MAPK4: variants seen among roughly 807,000 people sequenced by gnomAD.
MAPK4 encodes the protein mitogen-activated protein kinase 4, also known as Erk3-related.
A neutral mutation model predicts 47.7 loss-of-function variants in MAPK4; 22 were observed. The ratio of observed to expected loss-of-function variants is 0.46; its 90% CI spans 0.33 to 0.66. MAPK4 has a LOEUF of 0.66. Among genes scored for constraint, MAPK4 ranks in the 30% least tolerant of loss-of-function variants. The pLI, the probability that MAPK4 is intolerant of heterozygous loss-of-function variation, is 0.02. For synonymous variants in MAPK4, 390 were observed against 365.7 expected (o/e 1.07, Z -0.76); for missense variants, 736 against 831.7 (o/e 0.88, Z 1.42).
chr18:50,667,708 C>G (rs1352433859), intron 2 of MAPK4, among the ~76,000 whole-genome samples: 1 of 152,186 alleles, frequency 6.6e-6, no homozygotes, highest in Non-Finnish European at 1.5e-5. Context: ...CAACTGGAGC[C>G]TTGTTTGGAA....
In MAPK4 at chr18:50,729,178, C is replaced by T. The variant is rs1426858848; in HGVS notation, c.1088C>T (p.Ser363Leu). ...CSSRYPVSLS[S>L]DLEWRPDRCQ... ...TGCAGGTACCCTGTGAGCCTGTCGTCGGACCTGGAGTGGCGGCCTGACCGG... is the reference window on the plus strand; with the variant it reads ...TGCAGGTACCCTGTGAGCCTGTCGTTGGACCTGGAGTGGCGGCCTGACCGG... Residue 363 changes from serine to leucine, a missense_variant, in exon 6 of 6, where the codon TCG becomes TTG. This residue lies in a region of MAPK4 where 377 missense variants were observed against 378.6 expected (regional missense o/e 1.00). Transcript: ENST00000400384. 2.5e-6 allele frequency: 4 copies of T among 1,583,834 alleles called. No homozygotes were observed. The Admixed American group carries it at 5.1e-5, about 20-fold the overall frequency.
intron 1 of MAPK4, among the ~76,000 whole-genome samples, chr18:50,585,858 G>C (rs547968195): frequency 6.6e-6 from 1 of 152,160 alleles, no homozygotes; most frequent in Admixed American, 6.5e-5. Context: ...CTGAGCAAAG[G>C]GGGAAAAGCC....
At chr18:50,700,951 C>T (rs527833003) in intron 2 of MAPK4, among the ~76,000 whole-genome samples, 170 of 152,162 alleles carry the variant, frequency 1.1e-3, no homozygotes, top group African/African-American at 3.9e-3. Context: ...AGGTGAAGGA[C>T]AGAAACACCT....
At chr18:50,715,469 T>C (rs1277804938) in intron 3 of MAPK4, among the ~76,000 whole-genome samples, 2 of 152,212 alleles carry the variant, frequency 1.3e-5, no homozygotes, top group African/African-American at 4.8e-5. Flanking sequence ...TGCTATGACC[T>C]AAATGCTTGT....
In MAPK4 at chr18:50,615,286, C is replaced by T. The variant is rs142711206; in HGVS notation, c.-870-47803C>T. On this transcript the variant is annotated intron_variant, in intron 1 of 5. Transcript: ENST00000400384. Reference sequence around the variant, plus strand: ...TAAGTTGTGGTGGAAGCTGCAGCCCCGAATATTAGTTGTTTAAACAATTCA... The same window carrying T: ...TAAGTTGTGGTGGAAGCTGCAGCCCTGAATATTAGTTGTTTAAACAATTCA... Among the ~76,000 whole-genome samples, 287 of 152,214 alleles carry T rather than the reference C, an allele frequency of 1.9e-3. 1 individual carries two copies. The highest frequency in any genetic ancestry group is 6.7e-3 in the African/African-American group (279 of 41,504).
intron 1 of MAPK4, among the ~76,000 whole-genome samples, chr18:50,653,784 C>T (rs758029179): frequency 9.2e-5 from 14 of 152,174 alleles, no homozygotes; most frequent in African/African-American, 3.4e-4. Context: ...TATGACTATG[C>T]CCAGCACCTA....
intron 2 of MAPK4, among the ~76,000 whole-genome samples, chr18:50,667,706 G>A (rs564462941): frequency 1.3e-5 from 2 of 152,304 alleles, no homozygotes; most frequent in South Asian, 2.1e-4. Flanking sequence ...TCCAACTGGA[G>A]CCTTGTTTGG....
intron 1 of MAPK4, among the ~76,000 whole-genome samples, chr18:50,625,645 A>G (rs1264369055): frequency 6.6e-6 from 1 of 152,176 alleles, no homozygotes; most frequent in Non-Finnish European, 1.5e-5. Flanking sequence ...TCTGAATACC[A>G]TTGTAGACTC....
At chr18:50,686,114 G>C (rs779004159) in intron 2 of MAPK4, among the ~76,000 whole-genome samples, 1 of 152,104 alleles carries the variant, frequency 6.6e-6, no homozygotes, top group Non-Finnish European at 1.5e-5. Flanking sequence ...AATAAGCCTC[G>C]TTAGGAGTCG....
intron 1 of MAPK4, among the ~76,000 whole-genome samples, chr18:50,596,443 C>A (rs1408598606): frequency 2.0e-5 from 3 of 152,096 alleles, no homozygotes; most frequent in Non-Finnish European, 4.4e-5. Flanking sequence ...AACATCATAC[C>A]CAGAGCATTT....
intron 1 of MAPK4, among the ~76,000 whole-genome samples, chr18:50,645,597 T>C (rs1487758230): frequency 6.6e-6 from 1 of 152,144 alleles, no homozygotes; most frequent in Admixed American, 6.5e-5. Context: ...TGTTCTGACC[T>C]CAAAAGGAAA....
chr18:50,729,095 G>C lies in MAPK4; in HGVS notation c.1068-63G>C. 3 of 1,395,404 alleles carry C rather than the reference G, an allele frequency of 2.1e-6. No individual in the cohort carries two copies. In the South Asian group the frequency reaches 4.0e-5, roughly 19 times the overall value. 86.4% of individuals were successfully genotyped at this position (1,395,404 alleles called of 1,614,324 possible). On this transcript the variant is annotated intron_variant, in intron 5 of 5. Transcript: ENST00000400384. Reference sequence around the variant, plus strand: ...GTGGCAAACAGGGATTAGAGGGCTTGGCTCCCTCCCGGAAGCTACCTGGCT... The same window carrying C: ...GTGGCAAACAGGGATTAGAGGGCTTCGCTCCCTCCCGGAAGCTACCTGGCT...
intron 2 of MAPK4, among the ~76,000 whole-genome samples, chr18:50,665,458 A>G (rs373066116): frequency 2.6e-5 from 4 of 152,252 alleles, no homozygotes; most frequent in African/African-American, 9.6e-5. Flanking sequence ...AGAATAAAAC[A>G]TCTCCTTGGG....
intron 1 of MAPK4, among the ~76,000 whole-genome samples, chr18:50,616,493 A>G (rs2042685843): frequency 1.3e-5 from 2 of 152,238 alleles, no homozygotes; most frequent in South Asian, 4.1e-4. Flanking sequence ...ATAGATAAAT[A>G]TATGAGGGGG....
At chr18:50,562,060 C>G (rs911084325) in intron 1 of MAPK4, among the ~76,000 whole-genome samples, 2 of 152,210 alleles carry the variant, frequency 1.3e-5, no homozygotes, top group Non-Finnish European at 2.9e-5. Flanking sequence ...CTTGGATCAT[C>G]TGATCCAGAA....
chr18:50,666,313 A>C (rs1362360982), intron 2 of MAPK4, among the ~76,000 whole-genome samples: 1 of 152,188 alleles, frequency 6.6e-6, no homozygotes, highest in Non-Finnish European at 1.5e-5. Flanking sequence ...TTGGATGTAG[A>C]TAGTCACTTA....
At chr18:50,635,208 A>G (rs1423411136) in intron 1 of MAPK4, among the ~76,000 whole-genome samples, 2 of 152,114 alleles carry the variant, frequency 1.3e-5, no homozygotes, top group Admixed American at 1.3e-4. Context: ...ACTTCAACCA[A>G]CAGGATTCTG....
At chr18:50,597,700 G>A (rs138446978) in intron 1 of MAPK4, among the ~76,000 whole-genome samples, 31 of 152,264 alleles carry the variant, frequency 2.0e-4, no homozygotes, top group African/African-American at 6.3e-4. Flanking sequence ...TTAGATATGG[G>A]GGAAATGCCT....
intron 1 of MAPK4, among the ~76,000 whole-genome samples, chr18:50,605,814 G>A (rs2042577948): frequency 6.6e-6 from 1 of 152,170 alleles, no homozygotes; most frequent in Non-Finnish European, 1.5e-5. Flanking sequence ...TCCTGCTCCA[G>A]CGAACATGGC....
Sources: gnomAD v4.1 joint callset for allele counts (sites outside exome capture counted in the v4.1 genomes callset) on GRCh38, gnomAD v4.1.1 for gene constraint, gnomAD v4.1.1 regional missense constraint, MANE v1.5 for transcripts, NCBI Gene and HGNC (gene_info 2026-07-23, HGNC 2026-07-21) for gene names.